Variants in SUGCT observed in about 807,000 individuals in gnomAD.
The protein encoded by SUGCT is succinyl-CoA:glutarate CoA-transferase.
A neutral mutation model predicts 55.0 loss-of-function variants in SUGCT; 41 were observed. That is an observed-to-expected ratio of 0.74 (90% CI 0.58 to 0.97). The LOEUF is 0.97. Ranked by LOEUF, SUGCT falls within the 50% of genes least tolerant of loss-of-function variation. The probability of loss-of-function intolerance (pLI) is 0.00; values close to 1 mark genes in which losing one functional copy is unlikely to be tolerated. For synonymous variants in SUGCT, 187 were observed against 200.4 expected (o/e 0.93, Z 0.56); for missense variants, 568 against 547.8 (o/e 1.04, Z -0.37).
At chr7:40,221,043 A>G (rs1787990229) in intron 6 of SUGCT, among the ~76,000 whole-genome samples, 1 of 152,200 alleles carries the variant, frequency 6.6e-6, no homozygotes, top group Admixed American at 6.5e-5. Flanking sequence ...GATCCCGTCT[A>G]ATTTGTCATG....
At chr7:41,006,554 A>G in the SUGCT span, among the ~76,000 whole-genome samples, 1 of 152,208 alleles carries the variant, frequency 6.6e-6, no homozygotes, top group African/African-American at 2.4e-5. Flanking sequence ...CTTCCCTTGA[A>G]TTCCAGGAGC....
the SUGCT span, among the ~76,000 whole-genome samples, chr7:40,977,461 C>A: frequency 6.6e-6 from 1 of 152,314 alleles, no homozygotes; most frequent in African/African-American, 2.4e-5. Context: ...TGCAAAGCAA[C>A]TTGTATGTGC....
At chr7:40,770,792 C>T (rs997260532) in intron 13 of SUGCT, among the ~76,000 whole-genome samples, 2 of 152,072 alleles carry the variant, frequency 1.3e-5, no homozygotes, top group African/African-American at 4.8e-5. Context: ...AGACTTTTTC[C>T]TAATCCCCAA....
At chr7:40,863,840 G>A (rs1314207444), downstream of SUGCT, among the ~76,000 whole-genome samples, 2 of 152,034 alleles carry the variant, frequency 1.3e-5, no homozygotes, top group Non-Finnish European at 2.9e-5. Context: ...TAGGAGGTAG[G>A]ATGTCAATCT....
chr7:40,870,950 T>G, the SUGCT span, among the ~76,000 whole-genome samples: 7 of 152,188 alleles, frequency 4.6e-5, no homozygotes, highest in Non-Finnish European at 8.8e-5. Context: ...CTCCTACCTT[T>G]TTAAGAACAC....
At chr7:40,201,279 A>C (rs901771624) in intron 6 of SUGCT, among the ~76,000 whole-genome samples, 3 of 152,160 alleles carry the variant, frequency 2.0e-5, no homozygotes, top group Non-Finnish European at 1.5e-5. Context: ...AAATGGGATA[A>C]CAATCAGCAA....
At chr7:40,219,859 T>G (rs1787925802) in intron 6 of SUGCT, among the ~76,000 whole-genome samples, 1 of 152,178 alleles carries the variant, frequency 6.6e-6, no homozygotes, top group Admixed American at 6.5e-5. Flanking sequence ...CTTTTTTCCT[T>G]AGAATTCTAA....
chr7:40,989,665 G>A, the SUGCT span, among the ~76,000 whole-genome samples: 19 of 152,054 alleles, frequency 1.2e-4, no homozygotes, highest in South Asian at 3.1e-3. Context: ...CAGCTACTCC[G>A]GAGGCTGAGG....
At chr7:40,702,993 A>C (rs1785231533) in intron 12 of SUGCT, among the ~76,000 whole-genome samples, 1 of 151,388 alleles carries the variant, frequency 6.6e-6, no homozygotes, top group African/African-American at 2.4e-5. Context: ...AAGCATCTAA[A>C]TGCTATCTAC....
chr7:40,220,944 A>C (rs145709512), intron 6 of SUGCT, among the ~76,000 whole-genome samples: 1 of 152,308 alleles, frequency 6.6e-6, no homozygotes, highest in East Asian at 1.9e-4. Context: ...TCTGTATTGA[A>C]GATGCATTCA....
At chr7:40,876,071 G>T in the SUGCT span, among the ~76,000 whole-genome samples, 1 of 152,174 alleles carries the variant, frequency 6.6e-6, no homozygotes, top group South Asian at 2.1e-4. Context: ...TGTGCTGAAG[G>T]CTGCTTTTCT....
chr7:40,173,137 T>C (rs1784755950), intron 1 of SUGCT, among the ~76,000 whole-genome samples: 1 of 152,184 alleles, frequency 6.6e-6, no homozygotes, highest in Non-Finnish European at 1.5e-5. Context: ...CCTAGGGCCA[T>C]GCAGTGAGTG....
intron 12 of SUGCT, among the ~76,000 whole-genome samples, chr7:40,498,242 C>G (rs895782830): frequency 2.0e-5 from 3 of 152,064 alleles, no homozygotes; most frequent in Non-Finnish European, 2.9e-5. Flanking sequence ...TTTTGAAAAC[C>G]CTCCAGATGA....
intron 12 of SUGCT, among the ~76,000 whole-genome samples, chr7:40,524,552 C>G (rs923002357): frequency 6.6e-6 from 1 of 151,868 alleles, no homozygotes; most frequent in Non-Finnish European, 1.5e-5. Flanking sequence ...TCTGTTCTTC[C>G]TCCTCTTCTT....
chr7:40,667,633 T>C (rs1801716546), intron 12 of SUGCT, among the ~76,000 whole-genome samples: 1 of 151,900 alleles, frequency 6.6e-6, no homozygotes, highest in Non-Finnish European at 1.5e-5. Context: ...GAACTCGATA[T>C]TGGTCTGTTT....
intron 12 of SUGCT, among the ~76,000 whole-genome samples, chr7:40,609,537 C>T (rs1043508742): frequency 2.1e-5 from 3 of 143,504 alleles, no homozygotes; most frequent in Admixed American, 7.3e-5. Flanking sequence ...GGCAACAGAG[C>T]GAGACTCCAT....
intron 13 of SUGCT, among the ~76,000 whole-genome samples, chr7:40,821,400 T>G (rs1468918489): frequency 1.3e-5 from 2 of 152,054 alleles, no homozygotes; most frequent in African/African-American, 4.8e-5. Context: ...GTCCTGGACT[T>G]TTTTTGGTTG....
chr7:40,849,688 G>A (rs1181551198), intron 13 of SUGCT, among the ~76,000 whole-genome samples: 1 of 152,110 alleles, frequency 6.6e-6, no homozygotes, highest in Non-Finnish European at 1.5e-5. Context: ...AGAATCATGG[G>A]AGGTTTCTAA....
At chr7:40,625,379 A>G (rs1195104388) in intron 12 of SUGCT, among the ~76,000 whole-genome samples, 1 of 152,078 alleles carries the variant, frequency 6.6e-6, no homozygotes. Flanking sequence ...ATCAGGATCC[A>G]TGTTCTTAAA....
Sources: gnomAD v4.1 joint callset for allele counts (sites outside exome capture counted in the v4.1 genomes callset) on GRCh38, gnomAD v4.1.1 for gene constraint, MANE v1.5 for transcripts, NCBI Gene and HGNC (gene_info 2026-07-23, HGNC 2026-07-21) for gene names.